COL9A1: variants seen among roughly 807,000 people sequenced by gnomAD.
COL9A1 encodes collagen type IX alpha 1 chain.
In COL9A1, 104 loss-of-function variants were observed where a neutral mutation model predicts 142.6. The ratio of observed to expected loss-of-function variants is 0.73; its 90% CI spans 0.62 to 0.86. The LOEUF (loss-of-function observed/expected upper bound fraction) is 0.86. COL9A1 is among the 40% of genes least tolerant of loss of function. The pLI is 0.00. For synonymous variants in COL9A1, 466 were observed against 396.0 expected (o/e 1.18, Z -2.10); for missense variants, 1,210 against 1,176.6 (o/e 1.03, Z -0.42).
chr6:70,292,479 G>A (rs1012715586), intron 5 of COL9A1, among the ~76,000 whole-genome samples: 1 of 152,096 alleles, frequency 6.6e-6, no homozygotes, highest in African/African-American at 2.4e-5. Context: ...GGTACTAACC[G>A]GTCTCCACTG....
Position 70,274,231 on chromosome 6 carries a change from C to T in COL9A1, c.1030-149G>A. 3 of 541,184 alleles carry T rather than the reference C, an allele frequency of 5.5e-6. No individual in the cohort carries two copies. In the South Asian group the frequency reaches 9.0e-5, roughly 16 times the overall value. 33.5% of individuals were successfully genotyped at this position (541,184 alleles called of 1,614,324 possible). A position where few individuals can be genotyped will look rare whatever the true frequency, so the allele number is the denominator to read the frequency against. ...AACTTTTATTTTAAGTTCAGGGGTA[C>T]ATGTGCAGGATGTGCAGGTTTGTTA... On this transcript the variant is annotated intron_variant, in intron 11 of 37. Coordinates refer to ENST00000357250, the MANE Select transcript of COL9A1 (RefSeq NM_001851.6).
chr6:70,301,046 T>A (rs1400536552), intron 2 of COL9A1, among the ~76,000 whole-genome samples: 2 of 152,128 alleles, frequency 1.3e-5, no homozygotes, highest in African/African-American at 4.8e-5. Flanking sequence ...AATCCTAACA[T>A]CTTAGAACTG....
chr6:70,300,664 G>A (rs1054816862), intron 2 of COL9A1, among the ~76,000 whole-genome samples: 3 of 152,138 alleles, frequency 2.0e-5, no homozygotes, highest in Non-Finnish European at 4.4e-5. Flanking sequence ...GTGGATGCAA[G>A]GCACAAAGTT....
rs1773314735 is a variant in COL9A1, at chr6:70,283,675, T to A, written c.780+62A>T. 7 of 1,239,690 alleles carry A rather than the reference T, an allele frequency of 5.6e-6. 1 individual carries two copies. In the South Asian group the frequency reaches 8.8e-5, roughly 16 times the overall value. 76.8% of individuals were successfully genotyped at this position (1,239,690 alleles called of 1,614,324 possible). On this transcript the variant is annotated intron_variant, in intron 6 of 37. Transcript: ENST00000357250. ...CTGGGGAGGTGGCAAGATGGGAAAG[T>A]GGTGAGGTGGAGAGGGTTGAGCTGG...
At chr6:70,219,385 C>G (rs538871527) in intron 37 of COL9A1, among the ~76,000 whole-genome samples, 2 of 152,308 alleles carry the variant, frequency 1.3e-5, no homozygotes, top group Admixed American at 1.3e-4. Context: ...TATTAGAACA[C>G]GACCATGGTC....
intron 20 of COL9A1, 90 bp from the exon 21 acceptor site, chr6:70,256,911 G>T: frequency 1.6e-6 from 2 of 1,242,238 alleles, no homozygotes; most frequent in Non-Finnish European, 1.2e-6. Context: ...TTAATAGCCA[G>T]ATGAAAAGGA....
chr6:70,257,774 G>A (rs374354284), intron 20 of COL9A1, among the ~76,000 whole-genome samples: 5 of 152,180 alleles, frequency 3.3e-5, no homozygotes, highest in East Asian at 3.9e-4. Context: ...ATTTATTAAC[G>A]ATGAAGGCCA....
Position 70,298,344 on chromosome 6 carries a change from A to G in COL9A1, c.299+1699T>C, listed in dbSNP as rs548259536. ...TTTTAAACTGAGGGAACTGAAGTAAAGATAGTCTAAGTACTTTCCCAAGAA... is the reference window on the plus strand; with the variant it reads ...TTTTAAACTGAGGGAACTGAAGTAAGGATAGTCTAAGTACTTTCCCAAGAA... On this transcript the variant is annotated intron_variant, in intron 4 of 37. Coordinates refer to ENST00000357250, the MANE Select transcript of COL9A1 (RefSeq NM_001851.6). Among the ~76,000 whole-genome samples the G allele has an allele frequency of 3.9e-5, 6 of 152,326 alleles. No homozygotes were observed. The South Asian group carries it at 1.0e-3, about 26-fold the overall frequency.
At chr6:70,288,349 G>T (rs1469245532) in intron 5 of COL9A1, among the ~76,000 whole-genome samples, 1 of 152,094 alleles carries the variant, frequency 6.6e-6, no homozygotes, top group Non-Finnish European at 1.5e-5. Flanking sequence ...CTAAACCAAG[G>T]CTGTCTCTGC....
chr6:70,268,695 G>A (rs1041856772), intron 17 of COL9A1, 109 bp downstream of exon 17: 1 of 940,490 alleles, frequency 1.1e-6, no homozygotes. Flanking sequence ...AGCACTACTT[G>A]CCTGATCATC....
At chr6:70,273,767 G>T (rs1193899434) in intron 12 of COL9A1, among the ~76,000 whole-genome samples, 1 of 152,150 alleles carries the variant, frequency 6.6e-6, no homozygotes, top group East Asian at 1.9e-4. Flanking sequence ...AGAGGGAATT[G>T]TCTGCTGGGA....
chr6:70,274,847 T>A (rs1772651595), intron 10 of COL9A1, 75 bp from the exon 11 acceptor site: 1 of 1,197,928 alleles, frequency 8.3e-7, no homozygotes, highest in African/African-American at 1.5e-5. Context: ...AACTTTCATT[T>A]TATTTATTAA....
Position 70,271,660 on chromosome 6 carries a change from G to T in COL9A1, c.1138C>A (p.Pro380Thr), listed in dbSNP as rs368495915. 1 of 1,613,642 alleles carries T rather than the reference G, an allele frequency of 6.2e-7. No homozygotes were observed. Among genetic ancestry groups the T allele is most frequent in the Non-Finnish European group, 8.5e-7 (1 of 1,179,772 alleles). Residue 380 changes from proline (P) to threonine (T), a missense_variant, in exon 14 of 38, where the codon CCT (proline) becomes ACT (threonine). Coordinates refer to ENST00000357250, the MANE Select transcript of COL9A1 (RefSeq NM_001851.6). Reference sequence around the variant, plus strand: ...AAGTGCACTGTGGTACTCACAACAGGTCCTACACGGCCAAGCTCTCCAGGG... The same window carrying T: ...AAGTGCACTGTGGTACTCACAACAGTTCCTACACGGCCAAGCTCTCCAGGG... ...GLPGELGRVGPVGDPGRRGPP... is the reference protein window; with the variant it reads ...GLPGELGRVGTVGDPGRRGPP...
chr6:70,266,554 T>C (rs1562313937), intron 18 of COL9A1, among the ~76,000 whole-genome samples, 163 bp downstream of exon 18: 2 of 152,250 alleles, frequency 1.3e-5, no homozygotes, highest in Admixed American at 6.5e-5. Flanking sequence ...ATATGATATT[T>C]AGTCAAATAT....
At chr6:70,249,917 A>G (rs1166794752) in intron 28 of COL9A1, among the ~76,000 whole-genome samples, 1 of 152,050 alleles carries the variant, frequency 6.6e-6, no homozygotes, top group African/African-American at 2.4e-5. Context: ...GTCCCACAAC[A>G]AGTGCTCAGT....
chr6:70,241,389 A>AT (rs1562296849), intron 31 of COL9A1, 30 bp downstream of exon 31: 2 of 1,589,984 alleles, frequency 1.3e-6, no homozygotes, highest in South Asian at 2.2e-5. Flanking sequence ...CAAACATTGC[A>AT]TTTTATACCA....
intron 25 of COL9A1, among the ~76,000 whole-genome samples, chr6:70,253,786 G>T (rs908699153): frequency 1.3e-5 from 2 of 152,192 alleles, no homozygotes; most frequent in African/African-American, 4.8e-5. Flanking sequence ...ATGTGACATG[G>T]TTTCATGTAC....
In COL9A1 at chr6:70,281,479, A is replaced by G; in HGVS notation, c.802-15T>C. The G allele has an allele frequency of 1.2e-6, 2 of 1,607,898 alleles. No homozygotes were observed. Among genetic ancestry groups the G allele is most frequent in the South Asian group, 2.2e-5 (2 of 90,034 alleles). The stretch of plus-strand genomic sequence containing the variant: ...GGGGGACCTCTCTGGCAAAAATAGC[A>G]GACATAGGTTAGTGGAGCACATCGG... On this transcript the variant is annotated splice_polypyrimidine_tract_variant and intron_variant, in intron 7 of 37. Transcript: ENST00000357250.
chr6:70,277,198 A>G (rs1772818603), intron 10 of COL9A1, among the ~76,000 whole-genome samples: 1 of 152,184 alleles, frequency 6.6e-6, no homozygotes, highest in Middle Eastern at 3.2e-3. Flanking sequence ...AAAGAATAAA[A>G]TACTGTTTTT....
Sources: allele counts gnomAD v4.1 joint callset (sites outside exome capture counted in the v4.1 genomes callset), GRCh38; gene constraint gnomAD v4.1.1; transcripts MANE v1.5; gene names NCBI Gene and HGNC (gene_info 2026-07-23, HGNC 2026-07-21).